The following CCSER1 variants were observed in gnomAD, a reference collection of about 807,000 sequenced individuals.
The protein encoded by CCSER1 is coiled-coil serine rich protein 1, also known as serine-rich coiled-coil domain-containing protein 1.
A neutral mutation model predicts 82.0 loss-of-function variants in CCSER1; 41 were observed. The ratio of observed to expected loss-of-function variants is 0.50; its 90% confidence interval spans 0.39 to 0.65. The LOEUF is 0.65. Ranked by LOEUF, CCSER1 falls within the 30% of genes least tolerant of loss-of-function variation. CCSER1 has a pLI of 0.00. For synonymous variants in CCSER1, 414 were observed against 383.9 expected, an observed-to-expected ratio of 1.08 and a Z score of -0.92; for missense variants, 1,119 against 1,064.2, an observed-to-expected ratio of 1.05 and a Z score of -0.72.
chr4:90,535,560 T>C (rs1340873454), intron 5 of CCSER1, among the ~76,000 whole-genome samples: 11 of 152,238 alleles, frequency 7.2e-5, no homozygotes, highest in Non-Finnish European at 4.4e-5. Context: ...AATAAGGTTG[T>C]GCAGTGCTCA....
intron 1 of CCSER1, among the ~76,000 whole-genome samples, chr4:90,168,743 C>A (rs564655490): frequency 6.7e-6 from 1 of 148,728 alleles, no homozygotes; most frequent in South Asian, 2.2e-4. Flanking sequence ...ATCCTTTCCC[C>A]ATTTCTTGTT....
At chr4:90,603,612 CT>C (rs1470005367) in intron 5 of CCSER1, among the ~76,000 whole-genome samples, 1 of 119,244 alleles carries the variant, frequency 8.4e-6, no homozygotes, top group East Asian at 2.6e-4. Flanking sequence ...ATTCTAACAT[CT>C]TTTCTCTTAC....
rs1360718325 is a variant in CCSER1 at position 90,312,563 on chromosome 4, G to A, written c.1325-300G>A. Among the ~76,000 whole-genome samples the A allele has an allele frequency of 3.9e-5, 6 of 152,164 alleles. No homozygotes were observed. The South Asian group carries it at 1.0e-3, about 26-fold the overall frequency. On this transcript the variant is annotated intron_variant, in intron 2 of 10. Transcript: ENST00000509176. ...CCAAGCCAGCATAGATTTGGTCCAG[G>A]GTCTTAGAAGGAGAGGTAGAAGGAA...
chr4:90,837,659 T>C (rs1435692900), intron 8 of CCSER1, among the ~76,000 whole-genome samples: 1 of 152,170 alleles, frequency 6.6e-6, no homozygotes, highest in Non-Finnish European at 1.5e-5. Context: ...CAGTGTAATA[T>C]TCTAAGACAT....
rs146584879 is a variant in CCSER1 at position 91,413,436 on chromosome 4, G to A, written c.2218-185136G>A. On this transcript the variant is annotated intron_variant, in intron 10 of 10. Transcript: ENST00000509176. ...AATCCTTCCACTGCATTCAAGCCTGGGTGACAGAGTGAGACCATGTCTCTC... is the reference window on the plus strand; with the variant it reads ...AATCCTTCCACTGCATTCAAGCCTGAGTGACAGAGTGAGACCATGTCTCTC... Among the ~76,000 whole-genome samples the A allele has an allele frequency of 2.9e-3, 434 of 151,814 alleles. 1 individual carries two copies. The highest frequency in any genetic ancestry group is 0.01 in the African/African-American group (418 of 41,398).
intron 10 of CCSER1, among the ~76,000 whole-genome samples, chr4:91,378,311 A>T (rs1428835669): frequency 6.6e-6 from 1 of 152,140 alleles, no homozygotes; most frequent in Admixed American, 6.6e-5. Context: ...CTTGATGTGG[A>T]TGGCATTGAA....
At chr4:90,665,542 C>T (rs113646860) in intron 6 of CCSER1, among the ~76,000 whole-genome samples, 85 of 152,108 alleles carry the variant, frequency 5.6e-4, no homozygotes, top group African/African-American at 1.8e-3. Context: ...AGGATGGTCT[C>T]GATCTCCTGA....
At position 91,027,649 on chromosome 4, in the gene CCSER1, A is replaced by G. The variant is rs912456637; in HGVS notation, c.2173-58301A>G. ...CTTCGGTAGCAATGTTGTGGCATTT[A>G]TAACTCTCCTTCCCACTCCAAACAC... is the stretch of plus-strand genomic sequence containing the variant. On this transcript the variant is annotated intron_variant, in intron 9 of 10. Transcript: ENST00000509176. Among the ~76,000 whole-genome samples the G allele has an allele frequency of 4.0e-5, 6 of 149,544 alleles. No individual in the cohort carries two copies. In the East Asian group the frequency reaches 1.2e-3, roughly 30 times the overall value.
At chr4:90,784,117 G>A (rs937922782) in intron 7 of CCSER1, among the ~76,000 whole-genome samples, 1 of 152,198 alleles carries the variant, frequency 6.6e-6, no homozygotes, top group African/African-American at 2.4e-5. Flanking sequence ...GAGATAAATA[G>A]GAGAGAGTAA....
intron 5 of CCSER1, among the ~76,000 whole-genome samples, chr4:90,566,828 T>G (rs1779454181): frequency 6.6e-6 from 1 of 151,926 alleles, no homozygotes; most frequent in East Asian, 1.9e-4. Flanking sequence ...GTTCTCAATC[T>G]CCTGACCTCG....
intron 6 of CCSER1, among the ~76,000 whole-genome samples, chr4:90,666,666 C>T (rs1013458900): frequency 2.6e-5 from 4 of 152,174 alleles, no homozygotes. Flanking sequence ...AAAAAGCTAT[C>T]TTCAACTGAC....
At chr4:91,414,272 T>A (rs1043708550) in intron 10 of CCSER1, among the ~76,000 whole-genome samples, 10 of 152,088 alleles carry the variant, frequency 6.6e-5, no homozygotes, top group Admixed American at 5.9e-4. Flanking sequence ...ATGCAAAGTG[T>A]GACATCAATA....
At chr4:91,428,086 C>T (rs901194466) in intron 10 of CCSER1, among the ~76,000 whole-genome samples, 1 of 151,956 alleles carries the variant, frequency 6.6e-6, no homozygotes, top group Non-Finnish European at 1.5e-5. Context: ...TAATACTTGA[C>T]ACCTGATAAG....
chr4:90,929,977 T>C (rs546621481), intron 9 of CCSER1, among the ~76,000 whole-genome samples: 1 of 152,222 alleles, frequency 6.6e-6, no homozygotes, highest in African/African-American at 2.4e-5. Flanking sequence ...AATATCACAT[T>C]GTATGCCATA....
intron 10 of CCSER1, among the ~76,000 whole-genome samples, chr4:91,549,673 C>G (rs984768496): frequency 3.3e-5 from 5 of 152,072 alleles, no homozygotes; most frequent in Admixed American, 6.6e-5. Context: ...CCCGTCTCCA[C>G]TAAAAATACA....
At position 90,830,598 on chromosome 4, in the gene CCSER1, C is replaced by A. The variant is rs1679061079; in HGVS notation, c.2094+14753C>A. On this transcript the variant is annotated intron_variant, in intron 8 of 10. Transcript: ENST00000509176. ...TTTGGAATGAGAGATCCTTAAAATT[C>A]TTCTAATTGCCACAGACACAACTGC... Among the ~76,000 whole-genome samples the A allele has an allele frequency of 2.6e-5, 4 of 152,062 alleles. No homozygotes were observed. In the South Asian group the frequency reaches 8.3e-4, roughly 32 times the overall value.
chr4:91,145,605 A>T (rs554794053), intron 10 of CCSER1, among the ~76,000 whole-genome samples: 1 of 151,960 alleles, frequency 6.6e-6, no homozygotes, highest in Non-Finnish European at 1.5e-5. Context: ...TTTCATTTCT[A>T]TCTTTAAATC....
chr4:91,385,880 G>A (rs1157306996), intron 10 of CCSER1, among the ~76,000 whole-genome samples: 1 of 151,898 alleles, frequency 6.6e-6, no homozygotes, highest in Admixed American at 6.6e-5. Context: ...TTATCAGTAA[G>A]AAGTCATGAT....
chr4:90,668,907 A>G (rs2149134754), intron 6 of CCSER1, among the ~76,000 whole-genome samples: 1 of 152,238 alleles, frequency 6.6e-6, no homozygotes, highest in Non-Finnish European at 1.5e-5. Context: ...TTCTGCCTCC[A>G]GGTACTAATA....
Sources: gnomAD v4.1 joint callset for allele counts (sites outside exome capture counted in the v4.1 genomes callset) on GRCh38, gnomAD v4.1.1 for gene constraint, MANE v1.5 for transcripts, NCBI Gene and HGNC (gene_info 2026-07-23, HGNC 2026-07-21) for gene names.